Variants in DGKH observed in about 807,000 individuals in gnomAD.
DGKH encodes diacylglycerol kinase eta.
A neutral mutation model predicts 159.3 loss-of-function variants in DGKH; 90 were observed. The observed-to-expected ratio is 0.57, with a 90% CI of 0.48 to 0.67. DGKH has a LOEUF of 0.67. Among genes scored for constraint, DGKH ranks in the 30% least tolerant of loss-of-function variants. DGKH has a pLI of 0.00. For missense variants in DGKH, 1,181 were observed against 1,506.1 expected (o/e 0.78, Z 3.57); for synonymous variants, 536 against 553.8 (o/e 0.97, Z 0.45).
At chr13:42,122,379 G>A (rs1038305389) in intron 1 of DGKH, among the ~76,000 whole-genome samples, 4 of 152,210 alleles carry the variant, frequency 2.6e-5, no homozygotes, top group Admixed American at 2.6e-4. Context: ...TCTGGTGAGA[G>A]CCTTCTTCCT....
chr13:42,239,480 A>T lies in DGKH; in HGVS notation c.*10292A>T, dbSNP rs1594264518. The stretch of plus-strand genomic sequence containing the variant: ...AGCATTTTCTGCATCAATTTTTTTC[A>T]GTATGCAGTTGCATATTTCATTTTT... On this transcript the variant is annotated 3_prime_UTR_variant, in exon 30 of 30. Transcript: ENST00000337343. 1 of 152,586 alleles carries T rather than the reference A, an allele frequency of 6.6e-6. No homozygotes were observed. The highest frequency in any genetic ancestry group is 1.9e-4 in the East Asian group (1 of 5,192). 9.5% of individuals were successfully genotyped at this position (152,586 alleles called of 1,614,324 possible).
chr13:42,219,012 T>C (rs1957888749), intron 26 of DGKH, among the ~76,000 whole-genome samples: 1 of 152,228 alleles, frequency 6.6e-6, no homozygotes, highest in South Asian at 2.1e-4. Context: ...GCTACTCATA[T>C]GATCTTTGGG....
intron 1 of DGKH, among the ~76,000 whole-genome samples, chr13:42,043,420 C>T (rs561725533): frequency 4.7e-5 from 7 of 150,098 alleles, no homozygotes; most frequent in African/African-American, 1.7e-4. Flanking sequence ...GTGGTATGAT[C>T]GTAGCTCACT....
intron 1 of DGKH, among the ~76,000 whole-genome samples, chr13:42,049,538 C>T (rs975396748): frequency 4.6e-5 from 7 of 152,372 alleles, no homozygotes; most frequent in Non-Finnish European, 8.8e-5. Context: ...CCCTCTGCCT[C>T]CTGCTGCGGT....
intron 3 of DGKH, among the ~76,000 whole-genome samples, chr13:42,132,891 G>A (rs907669352): frequency 2.0e-5 from 3 of 151,868 alleles, no homozygotes; most frequent in Admixed American, 6.6e-5. Context: ...TTTTTTGGCC[G>A]GGCGTGATGG....
At position 42,166,499 on chromosome 13, in the gene DGKH, T is replaced by C; in HGVS notation, c.959-16T>C. On this transcript the variant is annotated splice_polypyrimidine_tract_variant and intron_variant, in intron 8 of 29. Transcript: ENST00000337343. ...AAAGCTGTATGTATTGATCTTGTGT[T>C]GTGTTTTTTTCACAGGTTTCTGTAG... The C allele has an allele frequency of 6.7e-7, 1 of 1,501,314 alleles. No individual in the cohort carries two copies. The highest frequency in any genetic ancestry group is 8.9e-7 in the Non-Finnish European group (1 of 1,121,768). The allele number at this position is 1,501,314 out of a possible 1,614,324, so 93.0% of individuals were successfully genotyped here. A position where few individuals can be genotyped will look rare whatever the true frequency, so the allele number is the denominator to read the frequency against.
chr13:42,209,011 T>C lies in DGKH; in HGVS notation c.2654T>C (p.Phe885Ser). 1 of 1,613,274 alleles carries C rather than the reference T, an allele frequency of 6.2e-7. No homozygotes were observed. The highest frequency in any genetic ancestry group is 8.5e-7 in the Non-Finnish European group (1 of 1,179,570). The change falls in exon 22 of 30, where the codon TTT becomes TCT. Residue 885 changes from phenylalanine (F) to serine (S), a missense_variant. By Grantham distance (155) the Phe-to-Ser change is radical (BLOSUM62 -2). Around this residue, in one of 5 missense-constraint regions of DGKH, gnomAD observed 335 missense variants for 495.2 expected, o/e 0.68. Transcript: ENST00000337343. ...DDKILEVVAI[F>S]DSMQMAVSRV... ...AAGATCCTGGAAGTTGTAGCAATAT[T>C]TGATAGCATGCAAATGGCAGTTTCA...
upstream of DGKH, among the ~76,000 whole-genome samples, chr13:42,048,255 A>G (rs1202493798): frequency 6.6e-6 from 1 of 150,838 alleles, no homozygotes; most frequent in African/African-American, 2.4e-5. The surrounding 1 kb of genome is among the most constrained non-coding windows in gnomAD (Gnocchi z 6.7). Context: ...TGGCGGGTGC[A>G]CCCAAGGGTG....
rs1956286872 is a variant in DGKH, at chr13:42,165,432, T to C, written c.957T>C (p.Asp319=). The change falls in exon 8 of 30, where the codon GAT becomes GAC. Residue 319 remains aspartate, a splice_region_variant and synonymous_variant. Transcript: ENST00000337343. Reference sequence around the variant, plus strand: ...TTGCACTAAACAGCACCGATTCCGATGGTATGTAGCAGTAGTGTAAGTACG... The same window carrying C: ...TTGCACTAAACAGCACCGATTCCGACGGTATGTAGCAGTAGTGTAAGTACG... ...PPIALNSTDS[D]GFCRATFSFC... 1 of 1,541,474 alleles carries C rather than the reference T, an allele frequency of 6.5e-7. No homozygotes were observed. The highest frequency in any genetic ancestry group is 1.4e-5 in the African/African-American group (1 of 71,938).
At chr13:42,225,770 C>CT (rs1566214647) in intron 29 of DGKH, among the ~76,000 whole-genome samples, 1 of 85,140 alleles carries the variant, frequency 1.2e-5, no homozygotes, top group Non-Finnish European at 2.3e-5. Flanking sequence ...GAGACTCTGT[C>CT]TCAAAAAAAA....
intron 1 of DGKH, among the ~76,000 whole-genome samples, chr13:42,052,986 C>T (rs534688904): frequency 1.4e-4 from 21 of 152,218 alleles, no homozygotes; most frequent in Middle Eastern, 3.4e-3. Flanking sequence ...AAATGAGTCT[C>T]TAAATTTAGG....
chr13:42,085,441 T>C (rs1024870381), intron 1 of DGKH, among the ~76,000 whole-genome samples: 1 of 152,152 alleles, frequency 6.6e-6, no homozygotes, highest in Non-Finnish European at 1.5e-5. Flanking sequence ...AGCCCAGTGA[T>C]TGTGATTTGG....
At chr13:42,182,809 AT>A (rs1956808229) in intron 13 of DGKH, among the ~76,000 whole-genome samples, 1 of 151,994 alleles carries the variant, frequency 6.6e-6, no homozygotes, top group African/African-American at 2.4e-5. Flanking sequence ...ATTAATAATA[AT>A]TCTCTAACAC....
intron 1 of DGKH, among the ~76,000 whole-genome samples, chr13:42,051,058 G>T (rs1275699870): frequency 6.6e-6 from 1 of 152,128 alleles, no homozygotes; most frequent in Non-Finnish European, 1.5e-5. Flanking sequence ...GGTTTCATGC[G>T]CTCGTTGTAA....
chr13:42,129,696 C>T, intron 3 of DGKH, 64 bp downstream of exon 3: 1 of 1,422,604 alleles, frequency 7.0e-7, no homozygotes, highest in East Asian at 2.4e-5. Flanking sequence ...TAAGCGTGTA[C>T]AGAATGCCCT....
In DGKH at chr13:42,165,354, A is replaced by T; in HGVS notation, c.879A>T (p.Leu293Phe). ...KTMVHTACKD[L>F]YHPICPLGQC... ...AGGTACACACTGCCTGCAAAGATTT[A>T]TACCATCCAATATGTCCACTTGGTC... The change falls in exon 8 of 30, where the codon TTA (leucine) becomes TTT (phenylalanine). Residue 293 changes from leucine (L) to phenylalanine (F), a missense_variant. Physicochemically the swap from Leu to Phe is conservative, Grantham distance 22. Around this residue, in one of 5 missense-constraint regions of DGKH, gnomAD observed 369 missense variants for 519.4 expected, o/e 0.71. Transcript: ENST00000337343. 6.3e-7 allele frequency: 1 copy of T among 1,585,676 alleles called. No homozygotes were observed. The highest frequency in any genetic ancestry group is 8.6e-7 in the Non-Finnish European group (1 of 1,168,232).
chr13:42,190,020 G>A (rs866375617), intron 15 of DGKH, among the ~76,000 whole-genome samples: 1 of 152,050 alleles, frequency 6.6e-6, no homozygotes, highest in African/African-American at 2.4e-5. Context: ...GCTTTATTAA[G>A]AGCTTATAAA....
At chr13:42,097,381 G>T (rs1341457703) in intron 1 of DGKH, among the ~76,000 whole-genome samples, 2 of 152,074 alleles carry the variant, frequency 1.3e-5, no homozygotes, top group East Asian at 1.9e-4. Flanking sequence ...CCTTGAAGCC[G>T]ACTGGAATCT....
rs1566134887 is a variant in DGKH at position 42,151,608 on chromosome 13, CACACA to C, written c.385-3682_385-3678del. 8.8e-4 allele frequency among the ~76,000 whole-genome samples: 112 copies of C among 127,598 alleles called. 2 individuals are homozygous for C. Among genetic ancestry groups the C allele is most frequent in the East Asian group, 2.2e-3 (9 of 4,044 alleles). 83.7% of individuals were successfully genotyped at this position (127,598 alleles called of 152,430 possible). On this transcript the variant is annotated intron_variant, in intron 3 of 29. Transcript: ENST00000337343. ...ACACACACACACACACACACACACA[CACACA>C]CCCCATGGAAAACTACTCAGTCATA...
Sources: allele counts gnomAD v4.1 joint callset (sites outside exome capture counted in the v4.1 genomes callset), GRCh38; gene constraint gnomAD v4.1.1; regional missense constraint gnomAD v4.1.1; non-coding constraint Gnocchi (gnomAD v3.1); transcripts MANE v1.5; gene names NCBI Gene and HGNC (gene_info 2026-07-23, HGNC 2026-07-21).